The following CHRM2 variants were observed in gnomAD, a reference collection of about 807,000 sequenced individuals.
The protein encoded by CHRM2 is cholinergic receptor muscarinic 2.
Under a neutral mutation model 25.0 loss-of-function variants are expected in CHRM2, and 8 were observed. The ratio of observed to expected loss-of-function variants is 0.32; its 90% confidence interval spans 0.19 to 0.58. The LOEUF (loss-of-function observed/expected upper bound fraction) is 0.58, where lower values mean the gene tolerates loss of function less well. Ranked by LOEUF, CHRM2 falls within the 20% of genes least tolerant of loss-of-function variation. The pLI, the probability that CHRM2 is intolerant of heterozygous loss-of-function variation, is 0.88. For missense variants in CHRM2, 440 were observed against 567.1 expected (o/e 0.78, Z 2.28); for synonymous variants, 202 against 205.7 (o/e 0.98, Z 0.15).
At chr7:136,978,223 A>G (rs1299924364) in intron 2 of CHRM2, among the ~76,000 whole-genome samples, 1 of 152,108 alleles carries the variant, frequency 6.6e-6, no homozygotes, top group Admixed American at 6.6e-5. Flanking sequence ...CTAAAATCAA[A>G]CTTACAATTA....
intron 2 of CHRM2, chr7:136,938,669 C>A: frequency 1.3e-6 from 1 of 797,742 alleles, no homozygotes; most frequent in Non-Finnish European, 2.2e-6. Flanking sequence ...GCAGGAGCGG[C>A]TGCTGAAGGC....
intron 2 of CHRM2, among the ~76,000 whole-genome samples, chr7:136,948,356 A>T (rs781641043): frequency 2.0e-5 from 3 of 152,200 alleles, no homozygotes; most frequent in Non-Finnish European, 4.4e-5. Context: ...GTAGAATATT[A>T]AAGTTTAAGA....
intron 2 of CHRM2, among the ~76,000 whole-genome samples, chr7:136,886,488 A>C (rs1207301000): frequency 6.6e-6 from 1 of 152,178 alleles, no homozygotes; most frequent in East Asian, 1.9e-4. Flanking sequence ...TTTCTTGTCG[A>C]TCTAAGGCAA....
intron 2 of CHRM2, among the ~76,000 whole-genome samples, chr7:136,905,433 A>G (rs1006464001): frequency 6.6e-6 from 1 of 151,738 alleles, no homozygotes; most frequent in Admixed American, 6.6e-5. Flanking sequence ...TTTTGCACCT[A>G]TCATGTTTGA....
chr7:136,924,037 A>G (rs1291127713), intron 2 of CHRM2, among the ~76,000 whole-genome samples: 1 of 152,200 alleles, frequency 6.6e-6, no homozygotes, highest in Non-Finnish European at 1.5e-5. Context: ...AGTAAATAAA[A>G]TAAAATTATT....
At chr7:136,995,749 G>C (rs2131037974) in intron 3 of CHRM2, among the ~76,000 whole-genome samples, 1 of 151,952 alleles carries the variant, frequency 6.6e-6, no homozygotes, top group African/African-American at 2.4e-5. Flanking sequence ...CTTTGCAACA[G>C]AGCAAGAACC....
rs1795876621 is a variant in CHRM2, at chr7:136,872,411, C to A, written c.-125+2993C>A. On this transcript the variant is annotated intron_variant, in intron 2 of 3. Coordinates refer to ENST00000680005, the MANE Select transcript of CHRM2 (RefSeq NM_001006630.2). ...CCCATGGTCCTTCAATTTTGGGAGG[C>A]TGAGACTGTTGTCTTCATGTTAAAA... Among the ~76,000 whole-genome samples the A allele has an allele frequency of 2.0e-5, 3 of 152,150 alleles. 1 individual carries two copies. The South Asian group carries it at 6.2e-4, about 32-fold the overall frequency.
At chr7:136,979,227 G>C (rs324614) in intron 2 of CHRM2, among the ~76,000 whole-genome samples, 37,435 of 152,074 alleles carry the variant, frequency 0.25, 4,751 homozygotes, top group Middle Eastern at 0.34. Context: ...TTTCATGTTT[G>C]TTGGCTGCAT....
At chr7:136,934,866 A>C (rs1230006922) in intron 2 of CHRM2, among the ~76,000 whole-genome samples, 1 of 152,004 alleles carries the variant, frequency 6.6e-6, no homozygotes, top group African/African-American at 2.4e-5. Flanking sequence ...AACCAAAAAA[A>C]AAAATGTAAT....
intron 2 of CHRM2, among the ~76,000 whole-genome samples, chr7:136,933,083 A>G (rs1277753410): frequency 6.6e-6 from 1 of 151,988 alleles, no homozygotes; most frequent in Non-Finnish European, 1.5e-5. Flanking sequence ...AAATAGATAA[A>G]TTGGTCTCCT....
At chr7:136,872,757 G>A (rs1174780497) in intron 2 of CHRM2, among the ~76,000 whole-genome samples, 8 of 152,182 alleles carry the variant, frequency 5.3e-5, no homozygotes, top group African/African-American at 1.7e-4. Context: ...ACAAAAGAGG[G>A]AGAAGAGAAG....
intron 3 of CHRM2, among the ~76,000 whole-genome samples, chr7:137,011,722 C>T (rs996523393): frequency 1.3e-5 from 2 of 151,964 alleles, no homozygotes; most frequent in African/African-American, 4.8e-5. Context: ...ACAAGTCCAC[C>T]ACTTGTCAGC....
At chr7:136,938,423 C>G in intron 2 of CHRM2, 1 of 1,432,494 alleles carries the variant, frequency 7.0e-7, no homozygotes, top group Non-Finnish European at 9.8e-7. Flanking sequence ...ATGAAGGAGG[C>G]AAACTTCTTG....
At chr7:136,926,257 A>G (rs1168325120) in intron 2 of CHRM2, among the ~76,000 whole-genome samples, 1 of 152,114 alleles carries the variant, frequency 6.6e-6, no homozygotes, top group African/African-American at 2.4e-5. Context: ...ATAGATAAAA[A>G]TTAAAAATAA....
chr7:136,937,682 A>G (rs1016473893), intron 2 of CHRM2, among the ~76,000 whole-genome samples: 4 of 152,268 alleles, frequency 2.6e-5, no homozygotes, highest in African/African-American at 7.2e-5. Context: ...ATGAGAAAAT[A>G]AGCCTTGTGC....
chr7:136,945,660 T>C (rs1466188614), intron 2 of CHRM2, among the ~76,000 whole-genome samples: 8 of 152,194 alleles, frequency 5.3e-5, no homozygotes, highest in Non-Finnish European at 1.2e-4. Context: ...ATGTAATGTG[T>C]ACAGATTTGT....
In CHRM2 at chr7:136,913,425, G is replaced by A. The variant is rs1383144433; in HGVS notation, c.-125+44007G>A. 2.0e-5 allele frequency among the ~76,000 whole-genome samples: 3 copies of A among 151,964 alleles called. No individual in the cohort carries two copies. The East Asian group carries it at 5.8e-4, about 30-fold the overall frequency. ...AGAAGTAATCTGTCAGTTTCTAGAGGAGATCTCTATAACACATTCCTCTAG... is the reference window on the plus strand; with the variant it reads ...AGAAGTAATCTGTCAGTTTCTAGAGAAGATCTCTATAACACATTCCTCTAG... On this transcript the variant is annotated intron_variant, in intron 2 of 3. Transcript: ENST00000680005.
chr7:136,939,510 A>T (rs1451018220), intron 2 of CHRM2, among the ~76,000 whole-genome samples: 1 of 152,268 alleles, frequency 6.6e-6, no homozygotes, highest in Non-Finnish European at 1.5e-5. Flanking sequence ...GAATTAAAAA[A>T]AATACACAAA....
intron 2 of CHRM2, among the ~76,000 whole-genome samples, chr7:136,916,781 T>C (rs1391993592): frequency 6.6e-6 from 1 of 151,708 alleles, no homozygotes; most frequent in African/African-American, 2.4e-5. Flanking sequence ...TAAATTCTTA[T>C]TAAAATTTAG....
Sources: gnomAD v4.1 joint callset for allele counts (sites outside exome capture counted in the v4.1 genomes callset) on GRCh38, gnomAD v4.1.1 for gene constraint, MANE v1.5 for transcripts, NCBI Gene and HGNC (gene_info 2026-07-23, HGNC 2026-07-21) for gene names.